The following C1orf21 variants were observed in gnomAD, a reference collection of about 807,000 sequenced individuals.
The protein encoded by C1orf21 is chromosome 1 open reading frame 21.
C1orf21 carries 3 observed loss-of-function variants against 18.7 expected under a neutral mutation model. The ratio of observed to expected loss-of-function variants is 0.16; its 90% CI spans 0.07 to 0.42. C1orf21 has a LOEUF of 0.42. C1orf21 is among the 10% of genes least tolerant of loss of function. The pLI is 0.99. For missense variants in C1orf21, 104 were observed against 143.6 expected (o/e 0.72, Z 1.41); for synonymous variants, 41 against 46.4 (o/e 0.88, Z 0.47).
chr1:184,409,197 G>C (rs1227307235), intron 1 of C1orf21, among the ~76,000 whole-genome samples: 1 of 152,154 alleles, frequency 6.6e-6, no homozygotes, highest in Non-Finnish European at 1.5e-5. Flanking sequence ...TCTTACTGTA[G>C]TTTCTTCTGG....
At chr1:184,571,278 C>T (rs1659107643) in intron 3 of C1orf21, among the ~76,000 whole-genome samples, 2 of 112,822 alleles carry the variant, frequency 1.8e-5, no homozygotes. Context: ...GCCTGGGCGA[C>T]AGAGCGAGAC....
intron 3 of C1orf21, among the ~76,000 whole-genome samples, chr1:184,536,621 G>A (rs915218728): frequency 1.3e-5 from 2 of 152,188 alleles, no homozygotes; most frequent in Admixed American, 1.3e-4. Context: ...AGGACAACTA[G>A]TAGGTGCCTG....
At chr1:184,464,562 AC>A in intron 1 of C1orf21, among the ~76,000 whole-genome samples, 1 of 152,342 alleles carries the variant, frequency 6.6e-6, no homozygotes, top group Non-Finnish European at 1.5e-5. Flanking sequence ...AGCAAGAGAG[AC>A]AAATACAGGA....
At chr1:184,600,919 A>G (rs751992400) in intron 5 of C1orf21, among the ~76,000 whole-genome samples, 1 of 152,196 alleles carries the variant, frequency 6.6e-6, no homozygotes, top group African/African-American at 2.4e-5. Context: ...CCTCCTTAAT[A>G]TATGTGTTTG....
At chr1:184,516,239 T>G (rs1658222278) in intron 3 of C1orf21, among the ~76,000 whole-genome samples, 1 of 152,220 alleles carries the variant, frequency 6.6e-6, no homozygotes, top group Admixed American at 6.5e-5. Flanking sequence ...AGTTGAGGAC[T>G]AATTTGAAAC....
chr1:184,525,458 C>T (rs938995906), intron 3 of C1orf21, among the ~76,000 whole-genome samples: 13 of 151,930 alleles, frequency 8.6e-5, no homozygotes, highest in African/African-American at 1.9e-4. Context: ...AGAAATCATC[C>T]GTATCATCAC....
chr1:184,601,836 A>G (rs972908980), intron 5 of C1orf21, among the ~76,000 whole-genome samples: 2 of 151,844 alleles, frequency 1.3e-5, no homozygotes, highest in Admixed American at 6.6e-5. Flanking sequence ...GGGAGGTGGA[A>G]GTTGCAGTGA....
chr1:184,440,010 G>A (rs1656920431), intron 1 of C1orf21, among the ~76,000 whole-genome samples: 1 of 152,156 alleles, frequency 6.6e-6, no homozygotes, highest in African/African-American at 2.4e-5. Context: ...ATATATATTA[G>A]ACATGTTTCT....
At chr1:184,443,756 A>T (rs1482987946) in intron 1 of C1orf21, among the ~76,000 whole-genome samples, 1 of 152,116 alleles carries the variant, frequency 6.6e-6, no homozygotes, top group African/African-American at 2.4e-5. Context: ...GAGCTACAGA[A>T]ATGATAGCAG....
chr1:184,528,804 A>G (rs535488093), intron 3 of C1orf21, among the ~76,000 whole-genome samples: 1 of 152,278 alleles, frequency 6.6e-6, no homozygotes, highest in East Asian at 1.9e-4. Context: ...CTTAGCTTTT[A>G]TCTTGCTGTT....
At chr1:184,507,866 C>T (rs1345487384) in intron 3 of C1orf21, among the ~76,000 whole-genome samples, 184 bp downstream of exon 3, 2 of 152,142 alleles carry the variant, frequency 1.3e-5, no homozygotes, top group African/African-American at 4.8e-5. Context: ...TGAATAAGCC[C>T]TTCTTTAATC....
chr1:184,458,731 G>C (rs1657257685), intron 1 of C1orf21, among the ~76,000 whole-genome samples: 1 of 151,984 alleles, frequency 6.6e-6, no homozygotes, highest in Non-Finnish European at 1.5e-5. Flanking sequence ...TCCTAAATAT[G>C]TGCCATAAAA....
chr1:184,421,546 A>G (rs1183149606), intron 1 of C1orf21, among the ~76,000 whole-genome samples: 3 of 152,232 alleles, frequency 2.0e-5, no homozygotes, highest in Non-Finnish European at 4.4e-5. Context: ...AATTTTTAAT[A>G]TAAAATTTCT....
chr1:184,593,004 G>A (rs1856561), intron 4 of C1orf21, among the ~76,000 whole-genome samples: 14,956 of 152,154 alleles, frequency 0.098, 872 homozygotes, highest in African/African-American at 0.16. Flanking sequence ...TGCTCATCAC[G>A]TTCATCCACT....
At chr1:184,481,572 A>G (rs919365683) in intron 2 of C1orf21, among the ~76,000 whole-genome samples, 8 of 152,086 alleles carry the variant, frequency 5.3e-5, no homozygotes, top group African/African-American at 1.7e-4. Context: ...AAATCAGTTT[A>G]CCCCAAGCCC....
chr1:184,562,479 C>T (rs1658981358), intron 3 of C1orf21, among the ~76,000 whole-genome samples: 1 of 152,214 alleles, frequency 6.6e-6, no homozygotes, highest in African/African-American at 2.4e-5. Flanking sequence ...TTGCCTGGCA[C>T]AGCCCTAGCA....
intron 2 of C1orf21, among the ~76,000 whole-genome samples, chr1:184,494,437 A>C (rs1163874792): frequency 1.3e-5 from 2 of 152,146 alleles, no homozygotes; most frequent in African/African-American, 4.8e-5. Flanking sequence ...TAGGGAATAG[A>C]CTATAGGAAG....
chr1:184,618,230 A>G (rs1254057803), intron 5 of C1orf21, among the ~76,000 whole-genome samples: 2 of 152,200 alleles, frequency 1.3e-5, no homozygotes, highest in Non-Finnish European at 2.9e-5. Flanking sequence ...GTAATTTGCC[A>G]AACACACACG....
At chr1:184,548,850 G>C (rs1316943796) in intron 3 of C1orf21, among the ~76,000 whole-genome samples, 2 of 152,038 alleles carry the variant, frequency 1.3e-5, no homozygotes, top group African/African-American at 4.8e-5. Context: ...TTCATACCAC[G>C]TTAAAGTTGT....
Sources: gnomAD v4.1 joint callset for allele counts (sites outside exome capture counted in the v4.1 genomes callset) on GRCh38, gnomAD v4.1.1 for gene constraint, MANE v1.5 for transcripts, NCBI Gene and HGNC (gene_info 2026-07-23, HGNC 2026-07-21) for gene names.